IQGAP2: variants seen among roughly 807,000 people sequenced by gnomAD.
IQGAP2 encodes ras GTPase-activating-like protein IQGAP2.
IQGAP2 carries 173 observed loss-of-function variants against 201.3 expected under a neutral mutation model. The observed-to-expected ratio is 0.86, with a 90% CI of 0.76 to 0.98. The LOEUF (loss-of-function observed/expected upper bound fraction) is 0.98, where lower values mean the gene tolerates loss of function less well. Ranked by LOEUF, IQGAP2 falls within the 50% of genes least tolerant of loss-of-function variation. The pLI, the probability that IQGAP2 is intolerant of heterozygous loss-of-function variation, is 0.00. For synonymous variants in IQGAP2, 675 were observed against 673.9 expected (o/e 1.00, Z -0.03); for missense variants, 1,687 against 1,864.8 (o/e 0.90, Z 1.76).
intron 2 of IQGAP2, among the ~76,000 whole-genome samples, chr5:76,480,512 C>T (rs997330984): frequency 5.3e-5 from 8 of 152,308 alleles, no homozygotes; most frequent in South Asian, 2.1e-4. Context: ...TTCTTCTGAA[C>T]GCCCCTAGCA....
chr5:76,627,179 C>T (rs974129055), intron 13 of IQGAP2, among the ~76,000 whole-genome samples: 6 of 151,938 alleles, frequency 3.9e-5, no homozygotes, highest in African/African-American at 1.5e-4. Context: ...ATGCAGCTGT[C>T]CAGTTGGGAG....
intron 17 of IQGAP2, among the ~76,000 whole-genome samples, chr5:76,649,976 G>C (rs954046721): frequency 4.1e-4 from 62 of 152,346 alleles, no homozygotes; most frequent in African/African-American, 1.5e-3. Context: ...TGAAGCAGCA[G>C]CCTTAGCTGT....
At chr5:76,666,888 C>G (rs1157796012) in intron 22 of IQGAP2, among the ~76,000 whole-genome samples, 2 of 152,110 alleles carry the variant, frequency 1.3e-5, no homozygotes, top group African/African-American at 4.8e-5. Flanking sequence ...GGACTACAGA[C>G]ACCTGCCACA....
At chr5:76,529,355 C>T (rs1759145403) in intron 2 of IQGAP2, among the ~76,000 whole-genome samples, 1 of 152,046 alleles carries the variant, frequency 6.6e-6, no homozygotes, top group African/African-American at 2.4e-5. Flanking sequence ...GAGGGCTGGG[C>T]GCAGTGGCTC....
At chr5:76,660,465 T>C (rs1743153933) in intron 21 of IQGAP2, 2 of 152,258 alleles carry the variant, frequency 1.3e-5, no homozygotes, top group Admixed American at 6.5e-5. Flanking sequence ...AGAATGCTTT[T>C]TATAGCCTTA....
At chr5:76,496,724 C>T (rs201634981) in intron 2 of IQGAP2, among the ~76,000 whole-genome samples, 5 of 77,924 alleles carry the variant, frequency 6.4e-5, no homozygotes, top group African/African-American at 1.6e-4. Context: ...TTCTTTCTTT[C>T]TTTTCTTTCT....
At chr5:76,555,749 C>T (rs1408837095) in intron 2 of IQGAP2, among the ~76,000 whole-genome samples, 2 of 152,074 alleles carry the variant, frequency 1.3e-5, no homozygotes, top group Non-Finnish European at 2.9e-5. Flanking sequence ...TTCTTTACCA[C>T]ACAATTATTC....
chr5:76,434,435 T>A (rs59094350), intron 1 of IQGAP2, among the ~76,000 whole-genome samples: 17 of 152,086 alleles, frequency 1.1e-4, no homozygotes, highest in African/African-American at 4.1e-4. Context: ...TAAGTGAGAA[T>A]GTAACGGTGT....
intron 2 of IQGAP2, among the ~76,000 whole-genome samples, chr5:76,467,246 T>G (rs559840914): frequency 6.6e-6 from 1 of 152,146 alleles, no homozygotes; most frequent in African/African-American, 2.4e-5. Flanking sequence ...AGAGCAAGAC[T>G]CTGTCTCAAA....
At chr5:76,485,402 T>C (rs970816441) in intron 2 of IQGAP2, among the ~76,000 whole-genome samples, 7 of 152,250 alleles carry the variant, frequency 4.6e-5, no homozygotes, top group African/African-American at 1.7e-4. Flanking sequence ...TGCTGTGGTG[T>C]AGTGAGGACA....
intron 33 of IQGAP2, chr5:76,699,388 T>C (rs1210067231): frequency 1.3e-5 from 2 of 152,238 alleles, no homozygotes; most frequent in Admixed American, 1.3e-4. Flanking sequence ...TTAGGTTGAT[T>C]TCATAACTTA....
chr5:76,676,548 T>C (rs377380347), intron 27 of IQGAP2, among the ~76,000 whole-genome samples: 1 of 152,234 alleles, frequency 6.6e-6, no homozygotes, highest in East Asian at 1.9e-4. Context: ...AAAAAATACA[T>C]AGAACTATTC....
intron 4 of IQGAP2, among the ~76,000 whole-genome samples, chr5:76,574,993 A>C (rs373751388): frequency 6.6e-6 from 1 of 152,228 alleles, no homozygotes; most frequent in Admixed American, 6.5e-5. Context: ...TGTGTTCTGT[A>C]AAGTGTTTTA....
chr5:76,479,737 G>T (rs1408291135), intron 2 of IQGAP2, among the ~76,000 whole-genome samples: 1 of 152,154 alleles, frequency 6.6e-6, no homozygotes, highest in Non-Finnish European at 1.5e-5. Flanking sequence ...GGCTTTTTAT[G>T]CATCAGAACT....
At chr5:76,419,124 G>A (rs1751575621) in intron 1 of IQGAP2, among the ~76,000 whole-genome samples, 1 of 152,050 alleles carries the variant, frequency 6.6e-6, no homozygotes, top group Admixed American at 6.6e-5. Flanking sequence ...TGGCATAGGT[G>A]TTTTTATTTT....
chr5:76,523,355 G>C (rs1758800426), intron 2 of IQGAP2, among the ~76,000 whole-genome samples: 1 of 152,124 alleles, frequency 6.6e-6, no homozygotes, highest in Non-Finnish European at 1.5e-5. Flanking sequence ...TTCCTAAATT[G>C]CTGGGATTAC....
At chr5:76,469,072 G>C (rs1472898253) in intron 2 of IQGAP2, among the ~76,000 whole-genome samples, 1 of 152,212 alleles carries the variant, frequency 6.6e-6, no homozygotes, top group Non-Finnish European at 1.5e-5. Context: ...ATATGAATCA[G>C]ACTCACGGTA....
chr5:76,607,617 G>C (rs530907624), intron 12 of IQGAP2: 1 of 152,164 alleles, frequency 6.6e-6, no homozygotes, highest in Non-Finnish European at 1.5e-5. Context: ...ACTTGGCTTG[G>C]GAGTTTATGG....
chr5:76,438,694 T>C (rs978199179), intron 1 of IQGAP2, among the ~76,000 whole-genome samples: 3 of 152,160 alleles, frequency 2.0e-5, no homozygotes, highest in African/African-American at 7.2e-5. Context: ...CTACCCACCT[T>C]GGCCTCCCAA....
Sources: allele counts gnomAD v4.1 joint callset (sites outside exome capture counted in the v4.1 genomes callset), GRCh38; gene constraint gnomAD v4.1.1; transcripts MANE v1.5; gene names NCBI Gene and HGNC (gene_info 2026-07-23, HGNC 2026-07-21).